The following PRKN variants were observed in gnomAD, a reference collection of about 807,000 sequenced individuals.
PRKN encodes parkin RBR E3 ubiquitin protein ligase.
PRKN carries 56 observed loss-of-function variants against 59.5 expected under a neutral mutation model. That is an observed-to-expected ratio of 0.94 (90% confidence interval 0.76 to 1.18). The LOEUF is 1.18. Among genes scored for constraint, PRKN ranks in the 50% most tolerant of loss-of-function variants. The probability of loss-of-function intolerance (pLI) is 0.00; values close to 1 mark genes in which losing one functional copy is unlikely to be tolerated. For synonymous variants in PRKN, 250 were observed against 222.1 expected, an observed-to-expected ratio of 1.13 and a Z score of -1.12; for missense variants, 657 against 596.4, an observed-to-expected ratio of 1.10 and a Z score of -1.06.
rs181885858 is a variant in PRKN at position 162,324,189 on chromosome 6, T to A, written c.172-61424A>T. 1.8e-3 allele frequency among the ~76,000 whole-genome samples: 270 copies of A among 152,018 alleles called. 2 individuals carry two copies. Among genetic ancestry groups the A allele is most frequent in the Non-Finnish European group, 3.1e-3 (209 of 67,964 alleles). On this transcript the variant is annotated intron_variant, in intron 2 of 11. Transcript: ENST00000366898. ...TAATAAAACAGGCCAGAGTAAGGAG[T>A]GCATTCTATATTATTCCATGTAAGT... is the stretch of plus-strand genomic sequence containing the variant.
intron 4 of PRKN, among the ~76,000 whole-genome samples, chr6:162,151,578 T>C (rs1370722317): frequency 6.6e-6 from 1 of 152,178 alleles, no homozygotes; most frequent in Non-Finnish European, 1.5e-5. Flanking sequence ...TTAGTGACGA[T>C]TTATAATGTG....
At chr6:162,004,624 G>A (rs1252925272) in intron 5 of PRKN, among the ~76,000 whole-genome samples, 1 of 152,168 alleles carries the variant, frequency 6.6e-6, no homozygotes, top group Non-Finnish European at 1.5e-5. Flanking sequence ...TGATAGCACT[G>A]AAAGTTTTCT....
chr6:162,350,250 G>C (rs1226713794), intron 2 of PRKN, among the ~76,000 whole-genome samples: 4 of 152,106 alleles, frequency 2.6e-5, no homozygotes, highest in Non-Finnish European at 4.4e-5. Context: ...AGAAGACTCA[G>C]TGTTGTCAAA....
At chr6:161,885,922 C>T (rs1263489036) in intron 6 of PRKN, among the ~76,000 whole-genome samples, 1 of 152,084 alleles carries the variant, frequency 6.6e-6, no homozygotes, top group Non-Finnish European at 1.5e-5. Context: ...GCAATGGTAC[C>T]TCCATCAATG....
chr6:161,932,806 A>AAAAG (rs1176298165), intron 6 of PRKN, among the ~76,000 whole-genome samples: 3 of 152,204 alleles, frequency 2.0e-5, no homozygotes, highest in Non-Finnish European at 2.9e-5. Context: ...TGAGAGAAAA[A>AAAAG]GAAAAACATA....
In PRKN at chr6:161,377,063, C is replaced by T. The variant is rs1785738825; in HGVS notation, c.1167+9731G>A. 6.6e-6 allele frequency among the ~76,000 whole-genome samples: 1 copy of T among 152,250 alleles called. No homozygotes were observed. Among genetic ancestry groups the T allele is most frequent in the African/African-American group, 2.4e-5 (1 of 41,468 alleles). On this transcript the variant is annotated intron_variant, in intron 10 of 11. Transcript: ENST00000366898. This position sits in a 1 kb window ranked among gnomAD's most constrained non-coding sequence, Gnocchi z 4.2. ...CAAGCGCCCTGTCTCTGCGGCTGTGCACGCAGGCAGACCCTGTGGATTCCA... is the reference window on the plus strand; with the variant it reads ...CAAGCGCCCTGTCTCTGCGGCTGTGTACGCAGGCAGACCCTGTGGATTCCA...
chr6:161,921,772 C>G (rs1053889697), intron 6 of PRKN, among the ~76,000 whole-genome samples: 2 of 152,174 alleles, frequency 1.3e-5, no homozygotes, highest in African/African-American at 4.8e-5. Flanking sequence ...GTGAAGTTCA[C>G]TAACTTGCCA....
At chr6:161,998,812 C>T (rs888771667) in intron 5 of PRKN, among the ~76,000 whole-genome samples, 3 of 152,036 alleles carry the variant, frequency 2.0e-5, no homozygotes, top group Admixed American at 6.6e-5. Flanking sequence ...AGTATATTTC[C>T]TAACCCCCAA....
At chr6:162,054,306 T>C in intron 4 of PRKN, 132 bp from the exon 5 acceptor site, 2 of 731,306 alleles carry the variant, frequency 2.7e-6, no homozygotes. Context: ...AAGTGTGGTC[T>C]GCAGACTCTG....
At chr6:162,266,236 T>A (rs1399858463) in intron 2 of PRKN, among the ~76,000 whole-genome samples, 2 of 152,116 alleles carry the variant, frequency 1.3e-5, no homozygotes, top group African/African-American at 2.4e-5. Flanking sequence ...AATCTAAAAA[T>A]CTTTGCTTAC....
intron 2 of PRKN, among the ~76,000 whole-genome samples, chr6:162,287,894 C>T (rs959635442): frequency 6.6e-6 from 1 of 152,246 alleles, no homozygotes; most frequent in East Asian, 1.9e-4. Context: ...TGGTCACACC[C>T]GAGGCGTGAC....
chr6:162,225,865 G>A (rs62429389), intron 3 of PRKN, among the ~76,000 whole-genome samples: 8,092 of 148,578 alleles, frequency 0.054, 318 homozygotes, highest in Non-Finnish European at 0.079. Flanking sequence ...TACAGAAAAT[G>A]ACTGCTGTTA....
At chr6:161,825,461 A>T (rs1054313933) in intron 6 of PRKN, among the ~76,000 whole-genome samples, 2 of 152,078 alleles carry the variant, frequency 1.3e-5, no homozygotes, top group African/African-American at 4.8e-5. Context: ...ATATTTCCAA[A>T]ATCCTTCTGG....
intron 3 of PRKN, among the ~76,000 whole-genome samples, chr6:162,235,888 A>C (rs1209464158): frequency 6.7e-6 from 1 of 148,800 alleles, no homozygotes; most frequent in Non-Finnish European, 1.5e-5. Context: ...AGAGAGAGAA[A>C]GAAAGAAAGA....
chr6:162,585,020 C>T (rs1780988815), intron 1 of PRKN, among the ~76,000 whole-genome samples: 1 of 150,714 alleles, frequency 6.6e-6, no homozygotes, highest in Non-Finnish European at 1.5e-5. Flanking sequence ...CCTGCCTCAG[C>T]CTCCCGAGTA....
intron 7 of PRKN, among the ~76,000 whole-genome samples, chr6:161,572,069 C>T (rs755235625): frequency 1.1e-4 from 17 of 152,192 alleles, no homozygotes; most frequent in South Asian, 1.0e-3. Context: ...ACTGCTTGGC[C>T]GCCATAATTG....
At chr6:161,506,548 T>C (rs576122804) in intron 9 of PRKN, among the ~76,000 whole-genome samples, 1 of 152,314 alleles carries the variant, frequency 6.6e-6, no homozygotes, top group Non-Finnish European at 1.5e-5. Context: ...TTGTTGCCTA[T>C]TTAATGAATT....
rs1778017161 is a variant in PRKN, at chr6:161,502,968, T to A, written c.1083+45886A>T. ...GAGAACAGCACTTACTTCATGCATT[T>A]GTGGCAAGGATTGAGTTAGATGATA... On this transcript the variant is annotated intron_variant, in intron 9 of 11. Coordinates refer to ENST00000366898, the MANE Select transcript of PRKN (RefSeq NM_004562.3). This position sits in a 1 kb window ranked among gnomAD's most constrained non-coding sequence, Gnocchi z 4.0. Among the ~76,000 whole-genome samples, 1 of 152,194 alleles carries A rather than the reference T, an allele frequency of 6.6e-6. No individual in the cohort carries two copies. The highest frequency in any genetic ancestry group is 2.1e-4 in the South Asian group (1 of 4,832).
At chr6:162,671,716 T>C (rs912898736) in intron 1 of PRKN, among the ~76,000 whole-genome samples, 4 of 151,424 alleles carry the variant, frequency 2.6e-5, no homozygotes, top group African/African-American at 7.3e-5. Flanking sequence ...ATACGAAAAA[T>C]ATACATACAT....
Sources: allele counts gnomAD v4.1 joint callset (sites outside exome capture counted in the v4.1 genomes callset), GRCh38; gene constraint gnomAD v4.1.1; non-coding constraint Gnocchi (gnomAD v3.1); transcripts MANE v1.5; gene names NCBI Gene and HGNC (gene_info 2026-07-23, HGNC 2026-07-21).